The following ATP8A2 variants were observed in gnomAD, a reference collection of about 807,000 sequenced individuals.
The protein encoded by ATP8A2 is ATPase phospholipid transporting 8A2, also known as phospholipid-transporting ATPase IB.
In ATP8A2, 100 loss-of-function variants were observed where a neutral mutation model predicts 165.6. The ratio of observed to expected loss-of-function variants is 0.60; its 90% CI spans 0.51 to 0.71. The LOEUF (loss-of-function observed/expected upper bound fraction) is 0.71, where lower values mean the gene tolerates loss of function less well. ATP8A2 is among the 30% of genes least tolerant of loss of function. The pLI is 0.00. For missense variants in ATP8A2, 1,227 were observed against 1,479.5 expected (o/e 0.83, Z 2.80); for synonymous variants, 543 against 548.8 (o/e 0.99, Z 0.15).
rs147144515 is a variant in ATP8A2 at position 25,613,649 on chromosome 13, C to T, written c.2211+23950C>T. Reference sequence around the variant, plus strand: ...TGCTGGATTGGTAGTGGCAAATTCTCTCAGCATTTTTTTGTCTGAAAAAGA... The same window carrying T: ...TGCTGGATTGGTAGTGGCAAATTCTTTCAGCATTTTTTTGTCTGAAAAAGA... On this transcript the variant is annotated intron_variant, in intron 24 of 36. Coordinates refer to ENST00000381655, the MANE Select transcript of ATP8A2 (RefSeq NM_016529.6). Among the ~76,000 whole-genome samples the T allele has an allele frequency of 8.6e-4, 131 of 152,318 alleles. 1 individual carries two copies. The highest frequency in any genetic ancestry group is 3.1e-3 in the African/African-American group (127 of 41,576).
chr13:25,738,351 C>CG (rs1566092322), intron 25 of ATP8A2, among the ~76,000 whole-genome samples: 49 of 79,258 alleles, frequency 6.2e-4, no homozygotes, highest in Admixed American at 3.3e-3. Context: ...CCCCCCCCCC[C>CG]ACACACACTT....
At chr13:25,753,358 G>C (rs188683522) in intron 25 of ATP8A2, among the ~76,000 whole-genome samples, 2 of 152,322 alleles carry the variant, frequency 1.3e-5, no homozygotes, top group Admixed American at 1.3e-4. Context: ...GCTGACTCAT[G>C]TGAATGTTGG....
chr13:25,913,051 A>T (rs1954164799), intron 33 of ATP8A2, among the ~76,000 whole-genome samples: 1 of 152,212 alleles, frequency 6.6e-6, no homozygotes, highest in South Asian at 2.1e-4. Flanking sequence ...ATAAAGAGTT[A>T]AAAATAGCAA....
intron 24 of ATP8A2, among the ~76,000 whole-genome samples, chr13:25,596,911 T>C (rs116556758): frequency 0.017 from 2,568 of 152,294 alleles, 63 homozygotes; most frequent in African/African-American, 0.058. Context: ...TCTTCACCGG[T>C]GTTTGGTACT....
At chr13:25,629,388 A>G (rs1202124493) in intron 24 of ATP8A2, among the ~76,000 whole-genome samples, 3 of 152,072 alleles carry the variant, frequency 2.0e-5, no homozygotes, top group African/African-American at 7.2e-5. Context: ...CATTAAGTCT[A>G]TTTTCTTGGT....
intron 25 of ATP8A2, among the ~76,000 whole-genome samples, chr13:25,738,923 G>C (rs1391786334): frequency 6.7e-6 from 1 of 148,574 alleles, no homozygotes; most frequent in Non-Finnish European, 1.5e-5. Context: ...TTATTGTGAT[G>C]GTAACTGAAC....
chr13:25,625,018 A>G (rs1385162616), intron 24 of ATP8A2, among the ~76,000 whole-genome samples: 3 of 152,196 alleles, frequency 2.0e-5, no homozygotes, highest in African/African-American at 7.2e-5. Context: ...AATAGCAACA[A>G]TGGATTGTGC....
chr13:25,651,226 T>G (rs1372991911), intron 24 of ATP8A2, among the ~76,000 whole-genome samples: 1 of 152,110 alleles, frequency 6.6e-6, no homozygotes, highest in Non-Finnish European at 1.5e-5. Flanking sequence ...GGGTGGATCA[T>G]GAGGTCAAGA....
At chr13:25,876,135 G>A (rs529865965) in intron 33 of ATP8A2, among the ~76,000 whole-genome samples, 2 of 152,256 alleles carry the variant, frequency 1.3e-5, no homozygotes, top group South Asian at 2.1e-4. Context: ...ATGATTTCAC[G>A]GAAGAAATAG....
intron 35 of ATP8A2, among the ~76,000 whole-genome samples, chr13:25,980,458 G>A (rs934082081): frequency 6.6e-6 from 1 of 152,168 alleles, no homozygotes; most frequent in African/African-American, 2.4e-5. Flanking sequence ...CCTGTAGGGG[G>A]AGTGGGAGGG....
In ATP8A2 at chr13:25,443,432, AAAG is replaced by A. The variant is rs138941518; in HGVS notation, c.77-25541_77-25539del. On this transcript the variant is annotated intron_variant, in intron 1 of 36. Coordinates refer to ENST00000381655, the MANE Select transcript of ATP8A2 (RefSeq NM_016529.6). Reference sequence around the variant, plus strand: ...AACTCTGTCTGACAAAGTAAAAAAGAAAGAAGGATAGTAAGTTAATTTTAGATA... The same window carrying A: ...AACTCTGTCTGACAAAGTAAAAAAGAAAGGATAGTAAGTTAATTTTAGATA... Among the ~76,000 whole-genome samples the A allele has an allele frequency of 4.1e-3, 620 of 152,344 alleles. 3 individuals carry two copies. The highest frequency in any genetic ancestry group is 8.7e-3 in the South Asian group (42 of 4,824).
chr13:25,575,476 G>A (rs554081908), intron 19 of ATP8A2, among the ~76,000 whole-genome samples: 1 of 152,290 alleles, frequency 6.6e-6, no homozygotes, highest in South Asian at 2.1e-4. Flanking sequence ...TTTTAACATG[G>A]AATTGTCAGT....
chr13:25,613,403 G>A (rs1003337676), intron 24 of ATP8A2, among the ~76,000 whole-genome samples: 3 of 152,004 alleles, frequency 2.0e-5, no homozygotes, highest in African/African-American at 4.8e-5. Context: ...GTGAAACCTC[G>A]TCTCTACTAA....
At chr13:25,682,994 AG>A (rs2042525558) in intron 24 of ATP8A2, among the ~76,000 whole-genome samples, 1 of 152,238 alleles carries the variant, frequency 6.6e-6, no homozygotes, top group Admixed American at 6.5e-5. Context: ...TTACCATAAA[AG>A]GTTGAAAGCT....
intron 1 of ATP8A2, among the ~76,000 whole-genome samples, chr13:25,390,107 A>T (rs555579885): frequency 5.9e-5 from 9 of 152,178 alleles, no homozygotes; most frequent in Admixed American, 6.5e-5. Context: ...CGATTCTCCT[A>T]CCTCAGCCTC....
chr13:25,596,454 C>T (rs981957473), intron 24 of ATP8A2, among the ~76,000 whole-genome samples: 4 of 152,142 alleles, frequency 2.6e-5, no homozygotes, highest in Admixed American at 2.6e-4. Context: ...CTCCATATCC[C>T]CAGGCAAGCA....
At chr13:25,923,717 T>G (rs2139040890) in intron 33 of ATP8A2, among the ~76,000 whole-genome samples, 1 of 152,116 alleles carries the variant, frequency 6.6e-6, no homozygotes, top group Middle Eastern at 3.4e-3. Context: ...ACATGAAAGA[T>G]GTCCATTATT....
rs572158531 is a variant in ATP8A2 at position 25,938,734 on chromosome 13, A to G, written c.3184-22841A>G. Reference sequence around the variant, plus strand: ...TTCTCCAGAGGGGCTAGGAAGAGACACCTGTTTCTTGACAATTATTAAGGA... The same window carrying G: ...TTCTCCAGAGGGGCTAGGAAGAGACGCCTGTTTCTTGACAATTATTAAGGA... On this transcript the variant is annotated intron_variant, in intron 33 of 36. Transcript: ENST00000381655. Among the ~76,000 whole-genome samples the G allele has an allele frequency of 2.0e-5, 3 of 152,206 alleles. No homozygotes were observed. The East Asian group carries it at 5.8e-4, about 29-fold the overall frequency.
intron 24 of ATP8A2, among the ~76,000 whole-genome samples, chr13:25,623,945 A>G (rs541581680): frequency 1.6e-4 from 24 of 152,190 alleles, no homozygotes; most frequent in Non-Finnish European, 1.5e-5. Flanking sequence ...ATAAATATAA[A>G]TATACATATA....
Sources: allele counts gnomAD v4.1 joint callset (sites outside exome capture counted in the v4.1 genomes callset), GRCh38; gene constraint gnomAD v4.1.1; transcripts MANE v1.5; gene names NCBI Gene and HGNC (gene_info 2026-07-23, HGNC 2026-07-21).